PARP9: variants seen among roughly 807,000 people sequenced by gnomAD.
PARP9 encodes poly(ADP-ribose) polymerase family member 9, also known as protein mono-ADP-ribosyltransferase PARP9.
A neutral mutation model predicts 68.8 loss-of-function variants in PARP9; 48 were observed. That is an observed-to-expected ratio of 0.70 (90% CI 0.55 to 0.89). The LOEUF is 0.89. Ranked by LOEUF, PARP9 falls within the 40% of genes least tolerant of loss-of-function variation. The pLI, the probability that PARP9 is intolerant of heterozygous loss-of-function variation, is 0.00. For missense variants in PARP9, 806 were observed against 969.3 expected (o/e 0.83, Z 2.24); for synonymous variants, 309 against 333.8 (o/e 0.93, Z 0.81).
At chr3:122,542,823 A>C (rs1437764572) in intron 7 of PARP9, among the ~76,000 whole-genome samples, 2 of 152,148 alleles carry the variant, frequency 1.3e-5, no homozygotes, top group Non-Finnish European at 2.9e-5. Context: ...CAAAGCGAGC[A>C]CTATTCTTCT....
At chr3:122,542,925 G>A (rs1418618719) in intron 7 of PARP9, among the ~76,000 whole-genome samples, 3 of 151,638 alleles carry the variant, frequency 2.0e-5, no homozygotes, top group Non-Finnish European at 4.4e-5. Context: ...TTATTTTTTT[G>A]AGACCAAGTC....
At chr3:122,560,497 C>T (rs2080106484) in intron 1 of PARP9, among the ~76,000 whole-genome samples, 1 of 152,122 alleles carries the variant, frequency 6.6e-6, no homozygotes, top group Non-Finnish European at 1.5e-5. Context: ...CGCCATTCTC[C>T]TGCCTCAGCC....
intron 6 of PARP9, among the ~76,000 whole-genome samples, chr3:122,547,995 T>C (rs2078899886): frequency 6.6e-6 from 1 of 152,224 alleles, no homozygotes; most frequent in South Asian, 2.1e-4. Flanking sequence ...GGTGAGCTAC[T>C]TCCTTGGGTC....
At chr3:122,564,460 C>T, upstream of PARP9, 1 of 1,612,144 alleles carries the variant, frequency 6.2e-7, no homozygotes, top group South Asian at 1.1e-5. Context: ...GTCCCCGCTC[C>T]TCGTGCGGGT....
chr3:122,529,703 G>A (rs761898111), intron 10 of PARP9, among the ~76,000 whole-genome samples: 8 of 148,546 alleles, frequency 5.4e-5, no homozygotes, highest in East Asian at 2.0e-4. Context: ...GCAGTGAGCC[G>A]AGGTTGCGCC....
chr3:122,546,994 A>G (rs1424029326), intron 6 of PARP9, among the ~76,000 whole-genome samples: 9 of 117,370 alleles, frequency 7.7e-5, no homozygotes, highest in African/African-American at 3.1e-4. Context: ...ATATATATAT[A>G]TATATATATA....
intron 6 of PARP9, among the ~76,000 whole-genome samples, chr3:122,548,877 T>C (rs1385593784): frequency 6.6e-6 from 1 of 152,104 alleles, no homozygotes; most frequent in Non-Finnish European, 1.5e-5. Context: ...GTTAAAGAAA[T>C]TGGAAAGAAA....
rs1363525235 is a variant in PARP9, at chr3:122,558,430, C to T, written c.49+4G>A. Reference sequence around the variant, plus strand: ...AAACAAGAGTGAGAGCGAGGTAATCCTACCTGATTTTTCATTGTAAGCTGC... The same window carrying T: ...AAACAAGAGTGAGAGCGAGGTAATCTTACCTGATTTTTCATTGTAAGCTGC... On this transcript the variant is annotated splice_donor_region_variant and intron_variant, in intron 3 of 10. Coordinates refer to ENST00000682323, the MANE Select transcript of PARP9 (RefSeq NM_001146105.2). The T allele has an allele frequency of 6.2e-6, 10 of 1,614,070 alleles. No homozygotes were observed. Among genetic ancestry groups the T allele is most frequent in the Non-Finnish European group, 8.5e-6 (10 of 1,179,972 alleles).
chr3:122,544,793 G>A (rs2078565954), intron 7 of PARP9, among the ~76,000 whole-genome samples: 3 of 152,240 alleles, frequency 2.0e-5, no homozygotes, highest in Admixed American at 1.3e-4. Context: ...CTGAGATCAC[G>A]CCACTGCACT....
At chr3:122,539,914 T>C (rs2107608616) in intron 8 of PARP9, among the ~76,000 whole-genome samples, 1 of 152,244 alleles carries the variant, frequency 6.6e-6, no homozygotes, top group South Asian at 2.1e-4. Context: ...TAGGGCTCTG[T>C]TAAAAGGATC....
Position 122,533,960 on chromosome 3 carries a change from G to A in PARP9, c.2080+2208C>T, listed in dbSNP as rs2077471957. The A allele has an allele frequency of 1.3e-5, 13 of 985,466 alleles. No individual in the cohort carries two copies. The South Asian group carries it at 6.1e-4, about 46-fold the overall frequency. 61.0% of individuals were successfully genotyped at this position (985,466 alleles called of 1,614,324 possible). On this transcript the variant is annotated intron_variant, in intron 10 of 10. Coordinates refer to ENST00000682323, the MANE Select transcript of PARP9 (RefSeq NM_001146105.2). Reference sequence around the variant, plus strand: ...CAGCTTCAGTGGTAGCAAGATTGGTGTCTCCTGGGCTTGTCTGGCACCTTC... The same window carrying A: ...CAGCTTCAGTGGTAGCAAGATTGGTATCTCCTGGGCTTGTCTGGCACCTTC...
Position 122,528,591 on chromosome 3 carries a change from C to A in PARP9, c.2233G>T (p.Val745Phe), listed in dbSNP as rs1242720821. 1 of 1,614,132 alleles carries A rather than the reference C, an allele frequency of 6.2e-7. No individual in the cohort carries two copies. The highest frequency in any genetic ancestry group is 8.5e-7 in the Non-Finnish European group (1 of 1,180,024). The change falls in exon 11 of 11, where the codon GTT (valine) becomes TTT (phenylalanine). Residue 745 changes from valine to phenylalanine, a missense_variant. By Grantham distance (50) the Val-to-Phe change is conservative (BLOSUM62 -1). Around this residue, in one of 2 missense-constraint regions of PARP9, gnomAD observed 680 missense variants for 858.8 expected, o/e 0.79. Coordinates refer to ENST00000682323, the MANE Select transcript of PARP9 (RefSeq NM_001146105.2). ...FFCQGHPLNI[V>F]PPPLSPGAID... ...GCTCCAGGACTCAGTGGTGGGGGAA[C>A]AATATTTAACGGATGTCCCTGGCAG... is the stretch of plus-strand genomic sequence containing the variant.
intron 7 of PARP9, among the ~76,000 whole-genome samples, chr3:122,545,017 G>A (rs1172590004): frequency 6.6e-6 from 1 of 152,148 alleles, no homozygotes; most frequent in East Asian, 1.9e-4. Context: ...GATTACTTGG[G>A]TTTGAGTAAC....
intron 3 of PARP9, among the ~76,000 whole-genome samples, chr3:122,557,854 G>T (rs1173462391): frequency 6.6e-6 from 1 of 151,982 alleles, no homozygotes; most frequent in African/African-American, 2.4e-5. Context: ...CAACTAAACT[G>T]GGGCATACCA....
chr3:122,559,809 G>T, intron 1 of PARP9, 100 bp from the exon 2 acceptor site: 1 of 457,820 alleles, frequency 2.2e-6, no homozygotes, highest in Non-Finnish European at 3.8e-6. Context: ...TTCTGATCTT[G>T]ATGAGTTCTT....
intron 1 of PARP9, 198 bp downstream of exon 1, chr3:122,564,047 G>T (rs2107772657): frequency 5.1e-6 from 1 of 197,302 alleles, no homozygotes; most frequent in East Asian, 1.3e-4. Context: ...TACTTTTTAG[G>T]ATCAAATAAT....
At chr3:122,539,383 C>G (rs2077914078) in intron 8 of PARP9, among the ~76,000 whole-genome samples, 1 of 152,176 alleles carries the variant, frequency 6.6e-6, no homozygotes, top group Non-Finnish European at 1.5e-5. Context: ...TGAGCAGGAA[C>G]AATGTCTATC....
intron 8 of PARP9, 137 bp from the exon 9 acceptor site, chr3:122,537,210 G>T: frequency 1.2e-6 from 1 of 867,008 alleles, no homozygotes; most frequent in Non-Finnish European, 1.7e-6. Flanking sequence ...TAGGACATGC[G>T]AGGAGAGCTA....
intron 10 of PARP9, chr3:122,535,107 G>C (rs2077549171): frequency 4.1e-6 from 4 of 983,690 alleles, no homozygotes; most frequent in African/African-American, 1.7e-5. Context: ...CTTAATGAAA[G>C]TAATTTAAGT....
Sources: gnomAD v4.1 joint callset for allele counts (sites outside exome capture counted in the v4.1 genomes callset) on GRCh38, gnomAD v4.1.1 for gene constraint, gnomAD v4.1.1 regional missense constraint, MANE v1.5 for transcripts, NCBI Gene and HGNC (gene_info 2026-07-23, HGNC 2026-07-21) for gene names.